Variants in ADCY2 observed in about 807,000 individuals in gnomAD.
The protein encoded by ADCY2 is adenylate cyclase 2.
A neutral mutation model predicts 125.2 loss-of-function variants in ADCY2; 31 were observed. The observed-to-expected ratio is 0.25, with a 90% CI of 0.19 to 0.33. The LOEUF is 0.33. Ranked by LOEUF, ADCY2 falls within the 10% of genes least tolerant of loss-of-function variation. ADCY2 has a pLI of 1.00. For synonymous variants in ADCY2, 512 were observed against 548.4 expected, an observed-to-expected ratio of 0.93 and a Z score of 0.93; for missense variants, 904 against 1,418.2, an observed-to-expected ratio of 0.64 and a Z score of 5.82.
intron 6 of ADCY2, 104 bp downstream of exon 6, chr5:7,695,967 T>G: frequency 1.5e-6 from 1 of 677,666 alleles, no homozygotes; most frequent in Admixed American, 3.5e-5. Flanking sequence ...AAGCATCCTT[T>G]AGGAACATTG....
At chr5:7,415,207 T>A (rs1739892852) in intron 2 of ADCY2, among the ~76,000 whole-genome samples, 4 of 152,244 alleles carry the variant, frequency 2.6e-5, no homozygotes, top group Admixed American at 2.6e-4. Context: ...CAGCATGTTA[T>A]GCAATAGATC....
At chr5:7,490,345 T>A (rs1237985777) in intron 2 of ADCY2, among the ~76,000 whole-genome samples, 1 of 152,164 alleles carries the variant, frequency 6.6e-6, no homozygotes, top group African/African-American at 2.4e-5. Context: ...TTGTAATTCA[T>A]TGCAAGCTGA....
chr5:7,412,043 C>T (rs1739738122), intron 1 of ADCY2, among the ~76,000 whole-genome samples: 1 of 151,398 alleles, frequency 6.6e-6, no homozygotes, highest in Admixed American at 6.6e-5. Context: ...CCACAGCACT[C>T]CAGCCTGGGC....
chr5:7,744,238 G>A (rs1345633076), intron 15 of ADCY2, among the ~76,000 whole-genome samples: 1 of 152,074 alleles, frequency 6.6e-6, no homozygotes, highest in African/African-American at 2.4e-5. Flanking sequence ...GGGGAAAAGG[G>A]GAGGGATAGC....
At chr5:7,551,465 T>A (rs1735338605) in intron 3 of ADCY2, among the ~76,000 whole-genome samples, 1 of 152,226 alleles carries the variant, frequency 6.6e-6, no homozygotes, top group Admixed American at 6.5e-5. Flanking sequence ...TATTTTGCAT[T>A]GTCCTGTAAC....
intron 18 of ADCY2, among the ~76,000 whole-genome samples, chr5:7,781,968 A>G (rs1743935620): frequency 6.6e-6 from 1 of 152,214 alleles, no homozygotes; most frequent in Non-Finnish European, 1.5e-5. Flanking sequence ...AGGAGTTGGC[A>G]GTTCTCTTTT....
intron 6 of ADCY2, 90 bp downstream of exon 6, chr5:7,695,953 A>G (rs1234667055): frequency 1.3e-6 from 1 of 761,432 alleles, no homozygotes; most frequent in South Asian, 2.2e-5. Context: ...TTACTTTTTC[A>G]TAAAAGCATC....
At chr5:7,469,678 G>GT (rs1174003508) in intron 2 of ADCY2, among the ~76,000 whole-genome samples, 1 of 151,202 alleles carries the variant, frequency 6.6e-6, no homozygotes, top group Non-Finnish European at 1.5e-5. Flanking sequence ...TTATTCTATG[G>GT]TTTTTTTGCC....
chr5:7,663,590 C>A (rs992438873), intron 4 of ADCY2, among the ~76,000 whole-genome samples: 3 of 152,204 alleles, frequency 2.0e-5, no homozygotes, highest in Non-Finnish European at 4.4e-5. Flanking sequence ...TATTCCAGGT[C>A]CTTTGGAAGA....
intron 3 of ADCY2, among the ~76,000 whole-genome samples, chr5:7,575,696 C>T (rs891457086): frequency 6.6e-6 from 1 of 152,070 alleles, no homozygotes; most frequent in Non-Finnish European, 1.5e-5. Context: ...AAACTGCAAA[C>T]CTTACATATC....
At chr5:7,792,254 G>A (rs989773974) in intron 20 of ADCY2, among the ~76,000 whole-genome samples, 2 of 150,150 alleles carry the variant, frequency 1.3e-5, no homozygotes, top group Non-Finnish European at 3.0e-5. Flanking sequence ...AATTAGCTGG[G>A]CATGGTGGCG....
chr5:7,597,804 T>C (rs1316714033), intron 3 of ADCY2, among the ~76,000 whole-genome samples: 2 of 152,002 alleles, frequency 1.3e-5, no homozygotes, highest in Non-Finnish European at 2.9e-5. Context: ...CAAAAAGCAG[T>C]AGTAGCGTAG....
chr5:7,755,984 A>G (rs1159073951), intron 15 of ADCY2, among the ~76,000 whole-genome samples: 1 of 152,236 alleles, frequency 6.6e-6, no homozygotes, highest in African/African-American at 2.4e-5. Context: ...TATCGATCAA[A>G]GGGCATAATT....
chr5:7,664,572 A>G (rs1205538910), intron 4 of ADCY2, among the ~76,000 whole-genome samples: 1 of 152,180 alleles, frequency 6.6e-6, no homozygotes, highest in Non-Finnish European at 1.5e-5. Context: ...GTTTTCTGTG[A>G]CCCTGTATAT....
intron 2 of ADCY2, among the ~76,000 whole-genome samples, chr5:7,494,369 G>C (rs1443525768): frequency 1.3e-5 from 2 of 152,098 alleles, no homozygotes; most frequent in African/African-American, 2.4e-5. Flanking sequence ...TGAAGCTCAT[G>C]AATCTGCAGG....
At chr5:7,647,301 G>A (rs140653712) in intron 4 of ADCY2, among the ~76,000 whole-genome samples, 2 of 152,274 alleles carry the variant, frequency 1.3e-5, no homozygotes, top group East Asian at 3.9e-4. Flanking sequence ...ATCTGCCCCA[G>A]AGAAATCTTC....
Position 7,528,525 on chromosome 5 carries a change from C to T in ADCY2, c.570+7626C>T, listed in dbSNP as rs537418275. 2.2e-4 allele frequency among the ~76,000 whole-genome samples: 34 copies of T among 152,186 alleles called. No individual in the cohort carries two copies. The South Asian group carries it at 6.4e-3, about 29-fold the overall frequency. On this transcript the variant is annotated intron_variant, in intron 3 of 24. Coordinates refer to ENST00000338316, the MANE Select transcript of ADCY2 (RefSeq NM_020546.3). The stretch of plus-strand genomic sequence containing the variant: ...AAGCCCTATCATAACATGAATTTCT[C>T]TTGGAGATTTGATCAAAGGAGCATA...
chr5:7,826,522 C>A (rs986960192), intron 24 of ADCY2, 197 bp from the exon 25 acceptor site: 6 of 700,494 alleles, frequency 8.6e-6, no homozygotes, highest in African/African-American at 2.0e-5. Context: ...TTTCACTATC[C>A]CAGCGCTGAA....
chr5:7,706,816 C>T lies in ADCY2; in HGVS notation c.1182C>T (p.Gly394=), dbSNP rs773249308. The part of the protein sequence containing the change: ...VGVHSGNVLC[G]VIGLQKWQYD... ...TGCATTCTGGGAATGTCCTGTGTGG[C>T]GTGATTGGTCTGCAGAAGTGGCAAT... The change falls in exon 8 of 25, where the codon GGC becomes GGT. Residue 394 remains glycine, a synonymous_variant. Transcript: ENST00000338316. 5.6e-6 allele frequency: 9 copies of T among 1,613,992 alleles called. No individual in the cohort carries two copies. Among genetic ancestry groups the T allele is most frequent in the South Asian group, 3.3e-5 (3 of 91,078 alleles).
Sources: gnomAD v4.1 joint callset for allele counts (sites outside exome capture counted in the v4.1 genomes callset) on GRCh38, gnomAD v4.1.1 for gene constraint, MANE v1.5 for transcripts, NCBI Gene and HGNC (gene_info 2026-07-23, HGNC 2026-07-21) for gene names.